The following NTM variants were observed in gnomAD, a reference collection of about 807,000 sequenced individuals.
NTM encodes IgLON family member 2.
A neutral mutation model predicts 42.1 loss-of-function variants in NTM; 13 were observed. The observed-to-expected ratio is 0.31, with a 90% CI of 0.20 to 0.49. The LOEUF (loss-of-function observed/expected upper bound fraction) is 0.49, where lower values mean the gene tolerates loss of function less well. Ranked by LOEUF, NTM falls within the 20% of genes least tolerant of loss-of-function variation. The pLI is 0.99. For missense variants in NTM, 373 were observed against 452.8 expected (o/e 0.82, Z 1.60); for synonymous variants, 187 against 179.2 (o/e 1.04, Z -0.35).
chr11:132,288,068 G>C, intron 4 of NTM, among the ~76,000 whole-genome samples: 1 of 152,198 alleles, frequency 6.6e-6, no homozygotes, highest in East Asian at 1.9e-4. Flanking sequence ...AAACTCTTTA[G>C]TATTGTGTGC....
At chr11:132,264,418 G>T (rs536632746) in intron 4 of NTM, among the ~76,000 whole-genome samples, 2 of 152,200 alleles carry the variant, frequency 1.3e-5, no homozygotes, top group African/African-American at 2.4e-5. Context: ...TTTTATAAAG[G>T]TTATAAAGGG....
At chr11:131,672,460 C>T (rs1352965367) in intron 1 of NTM, among the ~76,000 whole-genome samples, 1 of 152,186 alleles carries the variant, frequency 6.6e-6, no homozygotes, top group African/African-American at 2.4e-5. Flanking sequence ...CCGAGGAAAC[C>T]GCATCAGACA....
At chr11:131,975,189 T>A (rs760813050) in intron 2 of NTM, among the ~76,000 whole-genome samples, 1 of 143,904 alleles carries the variant, frequency 6.9e-6, no homozygotes, top group Admixed American at 6.8e-5. Context: ...AATCTTGCCT[T>A]CTTTTTTTTT....
chr11:132,311,320 C>G (rs2095273324), intron 6 of NTM, among the ~76,000 whole-genome samples: 1 of 152,062 alleles, frequency 6.6e-6, no homozygotes, highest in Non-Finnish European at 1.5e-5. Context: ...TCATAATCCT[C>G]CCAAATGAAA....
chr11:131,879,299 C>T (rs570200945), intron 1 of NTM, among the ~76,000 whole-genome samples: 2 of 152,172 alleles, frequency 1.3e-5, no homozygotes, highest in Admixed American at 1.3e-4. Flanking sequence ...GGGGCCTTCA[C>T]ATCAGGAAGC....
At chr11:132,308,168 G>T (rs2095160505) in intron 5 of NTM, among the ~76,000 whole-genome samples, 1 of 152,164 alleles carries the variant, frequency 6.6e-6, no homozygotes, top group African/African-American at 2.4e-5. Context: ...CAATACAGTT[G>T]TGCTGGAGCC....
chr11:131,722,722 A>G (rs150932368), intron 1 of NTM, among the ~76,000 whole-genome samples: 271 of 152,318 alleles, frequency 1.8e-3, no homozygotes, highest in African/African-American at 6.3e-3. Flanking sequence ...AGTGACAGCC[A>G]CAGACACTGT....
intron 1 of NTM, among the ~76,000 whole-genome samples, chr11:131,886,814 T>C (rs1473171382): frequency 6.6e-6 from 1 of 152,210 alleles, no homozygotes; most frequent in African/African-American, 2.4e-5. Context: ...TGTGTCTCCA[T>C]ACATCCCTGA....
chr11:131,677,654 TGCCAAGAGAA>T (rs1260976357), intron 1 of NTM, among the ~76,000 whole-genome samples: 2 of 152,178 alleles, frequency 1.3e-5, no homozygotes, highest in Admixed American at 1.3e-4. Context: ...TCAAGCGCTT[TGCCAAGAGAA>T]GCCCAAATTC....
At chr11:132,295,364 T>G (rs1300864905) in intron 4 of NTM, among the ~76,000 whole-genome samples, 1 of 152,156 alleles carries the variant, frequency 6.6e-6, no homozygotes, top group East Asian at 1.9e-4. Flanking sequence ...TGTGGCCCCT[T>G]CTACGTGCTA....
intron 2 of NTM, among the ~76,000 whole-genome samples, chr11:132,118,270 C>T (rs1358319437): frequency 6.6e-6 from 1 of 151,986 alleles, no homozygotes; most frequent in East Asian, 1.9e-4. Context: ...TATTAATTAC[C>T]AGTGGCTGCA....
intron 2 of NTM, 62 bp downstream of exon 2, chr11:131,911,710 G>A: frequency 8.1e-6 from 13 of 1,602,374 alleles, no homozygotes; most frequent in African/African-American, 1.3e-5. Context: ...AAGGGGCAGG[G>A]GTGCAGGTGT....
chr11:131,761,916 C>T (rs74953229), intron 1 of NTM, among the ~76,000 whole-genome samples: 17,931 of 150,424 alleles, frequency 0.12, 1,086 homozygotes, highest in East Asian at 0.2. Flanking sequence ...CTCTCTGTCT[C>T]TCTCTTCACT....
rs77019611 is a variant in NTM, at chr11:131,670,918, G to A, written c.83-240646G>A. 7.6e-3 allele frequency among the ~76,000 whole-genome samples: 1,162 copies of A among 152,212 alleles called. 15 individuals are homozygous for A. Among genetic ancestry groups the A allele is most frequent in the African/African-American group, 0.027 (1,127 of 41,512 alleles). ...TCACTCAGTAGATGCTAAAGGCCTG[G>A]GGCCCAGGAGGCTCCCAGGGAATGT... On this transcript the variant is annotated intron_variant, in intron 1 of 8. Coordinates refer to ENST00000683400, the MANE Select transcript of NTM (RefSeq NM_001352005.2).
At chr11:132,195,208 A>C (rs2079986477) in intron 3 of NTM, among the ~76,000 whole-genome samples, 1 of 152,188 alleles carries the variant, frequency 6.6e-6, no homozygotes, top group African/African-American at 2.4e-5. Flanking sequence ...AGCCACAAAA[A>C]GAGTAAGATA....
intron 1 of NTM, among the ~76,000 whole-genome samples, chr11:131,531,125 C>A (rs2051213581): frequency 1.3e-5 from 2 of 152,182 alleles, no homozygotes; most frequent in African/African-American, 4.8e-5. Flanking sequence ...GGCTCCACTG[C>A]CAGACCAGAG....
chr11:131,430,226 T>C (rs1948542151), intron 1 of NTM, among the ~76,000 whole-genome samples: 1 of 152,204 alleles, frequency 6.6e-6, no homozygotes, highest in African/African-American at 2.4e-5. Flanking sequence ...GCTTAAGGCA[T>C]GTACAAGGGT....
At chr11:132,249,454 T>C (rs1315214286) in intron 4 of NTM, among the ~76,000 whole-genome samples, 1 of 152,164 alleles carries the variant, frequency 6.6e-6, no homozygotes, top group Non-Finnish European at 1.5e-5. Context: ...CTGCAGGAGA[T>C]GGACAACATT....
chr11:131,611,029 A>G (rs973475267), intron 1 of NTM, among the ~76,000 whole-genome samples: 3 of 152,130 alleles, frequency 2.0e-5, no homozygotes, highest in African/African-American at 7.2e-5. Context: ...ATGGGAGCTG[A>G]GGGGAACCTG....
Sources: gnomAD v4.1 joint callset for allele counts (sites outside exome capture counted in the v4.1 genomes callset) on GRCh38, gnomAD v4.1.1 for gene constraint, MANE v1.5 for transcripts, NCBI Gene and HGNC (gene_info 2026-07-23, HGNC 2026-07-21) for gene names.